The following ROBO2 variants were observed in gnomAD, a reference collection of about 807,000 sequenced individuals.
The protein encoded by ROBO2 is roundabout guidance receptor 2.
Under a neutral mutation model 160.8 loss-of-function variants are expected in ROBO2, and 53 were observed. The ratio of observed to expected loss-of-function variants is 0.33; its 90% CI spans 0.26 to 0.41. The LOEUF (loss-of-function observed/expected upper bound fraction) is 0.41, where lower values mean the gene tolerates loss of function less well. Ranked by LOEUF, ROBO2 falls within the 10% of genes least tolerant of loss-of-function variation. The pLI, the probability that ROBO2 is intolerant of heterozygous loss-of-function variation, is 1.00. For missense variants in ROBO2, 1,577 were observed against 1,722.4 expected, an observed-to-expected ratio of 0.92 and a Z score of 1.49; for synonymous variants, 664 against 611.7, an observed-to-expected ratio of 1.09 and a Z score of -1.26.
chr3:76,223,802 C>T (rs140464990), intron 2 of ROBO2, among the ~76,000 whole-genome samples: 3 of 152,188 alleles, frequency 2.0e-5, no homozygotes, highest in Non-Finnish European at 4.4e-5. Flanking sequence ...TAAGCTAATT[C>T]TTTGATCTCA....
chr3:76,229,244 C>G (rs1704476085), intron 2 of ROBO2, among the ~76,000 whole-genome samples: 1 of 151,986 alleles, frequency 6.6e-6, no homozygotes. Flanking sequence ...GTGTTGCAAA[C>G]CAGAATTTTT....
intron 2 of ROBO2, among the ~76,000 whole-genome samples, chr3:75,964,223 A>G (rs1949026007): frequency 6.6e-6 from 1 of 151,736 alleles, no homozygotes; most frequent in African/African-American, 2.4e-5. Context: ...ACAGTATGAT[A>G]ATTTTTTACA....
At chr3:75,957,185 T>G (rs1948748819) in intron 2 of ROBO2, among the ~76,000 whole-genome samples, 2 of 151,274 alleles carry the variant, frequency 1.3e-5, no homozygotes, top group Non-Finnish European at 3.0e-5. Context: ...CATATTGAAG[T>G]TGGAATTCCA....
At chr3:77,513,468 C>T (rs2089647135) in intron 5 of ROBO2, among the ~76,000 whole-genome samples, 1 of 151,736 alleles carries the variant, frequency 6.6e-6, no homozygotes, top group African/African-American at 2.4e-5. Context: ...GAAAAAATAA[C>T]ATAGATTCTT....
chr3:77,095,025 A>C (rs987646498), intron 1 of ROBO2, among the ~76,000 whole-genome samples: 1 of 152,146 alleles, frequency 6.6e-6, no homozygotes, highest in Non-Finnish European at 1.5e-5. Context: ...ATTTTATAAC[A>C]TCCAGTTTAT....
At chr3:77,098,066 C>A in exon 2 of ROBO2, 1 of 1,598,628 alleles carries the variant, frequency 6.3e-7, no homozygotes, top group Non-Finnish European at 8.6e-7. Flanking sequence ...AGCATCCTTC[C>A]GATGTCATCG....
chr3:77,368,148 T>C (rs1382991972), intron 2 of ROBO2, among the ~76,000 whole-genome samples: 1 of 152,276 alleles, frequency 6.6e-6, no homozygotes, highest in East Asian at 1.9e-4. Flanking sequence ...AAGGGCTTAA[T>C]TTATAATTCT....
chr3:77,396,108 C>T (rs900938446), intron 2 of ROBO2, among the ~76,000 whole-genome samples: 1 of 151,666 alleles, frequency 6.6e-6, no homozygotes, highest in Non-Finnish European at 1.5e-5. Flanking sequence ...TCACTTGCAT[C>T]CATCCATCCC....
chr3:76,800,929 T>C (rs2064149007), intron 2 of ROBO2, among the ~76,000 whole-genome samples: 1 of 152,200 alleles, frequency 6.6e-6, no homozygotes, highest in Admixed American at 6.5e-5. Context: ...AATCAGTATA[T>C]TGAAGAGATA....
intron 2 of ROBO2, among the ~76,000 whole-genome samples, chr3:76,548,167 A>G (rs143320095): frequency 3.5e-4 from 54 of 152,230 alleles, no homozygotes; most frequent in East Asian, 2.3e-3. Flanking sequence ...TGATTTTTCT[A>G]TCTCCCAAGA....
intron 2 of ROBO2, among the ~76,000 whole-genome samples, chr3:77,395,267 T>C (rs117641825): frequency 1.3e-5 from 2 of 152,214 alleles, no homozygotes; most frequent in East Asian, 3.9e-4. Flanking sequence ...ACCACAGCTG[T>C]TACTAGGATA....
chr3:76,863,815 GCAATAA>G (rs1484953319), intron 2 of ROBO2, among the ~76,000 whole-genome samples: 1 of 151,974 alleles, frequency 6.6e-6, no homozygotes, highest in African/African-American at 2.4e-5. Flanking sequence ...ACTGCCTCAA[GCAATAA>G]CAATGATAAA....
intron 1 of ROBO2, among the ~76,000 whole-genome samples, chr3:77,079,851 A>G (rs1310674228): frequency 6.6e-6 from 1 of 152,206 alleles, no homozygotes; most frequent in East Asian, 1.9e-4. Flanking sequence ...ATAAATTAGC[A>G]CATAGTTCTG....
intron 2 of ROBO2, among the ~76,000 whole-genome samples, chr3:76,824,248 T>C (rs2066379250): frequency 6.6e-6 from 1 of 152,158 alleles, no homozygotes; most frequent in African/African-American, 2.4e-5. Flanking sequence ...TGGCCATACA[T>C]AACTGCAGGG....
chr3:76,231,468 G>A (rs1704618234), intron 2 of ROBO2, among the ~76,000 whole-genome samples: 1 of 152,072 alleles, frequency 6.6e-6, no homozygotes, highest in Non-Finnish European at 1.5e-5. Flanking sequence ...TTCTACAAAA[G>A]CCAGTTTCAA....
At chr3:76,812,608 CT>C (rs2109012904) in intron 2 of ROBO2, among the ~76,000 whole-genome samples, 1 of 152,038 alleles carries the variant, frequency 6.6e-6, no homozygotes, top group South Asian at 2.1e-4. Context: ...ATTATGATGA[CT>C]TTTTAATCTT....
At position 75,927,587 on chromosome 3, in the gene ROBO2, C is replaced by T. The variant is rs189083650; in HGVS notation, c.-13-9894C>T. On this transcript the variant is annotated intron_variant, in intron 1 of 26. Coordinates refer to the ROBO2 transcript ENST00000487694. ...AGTCACAGGCAATCACAAGCTAACA[C>T]GAGCAGGTAGCACAAAATATATGTT... Among the ~76,000 whole-genome samples, 90 of 152,268 alleles carry T rather than the reference C, an allele frequency of 5.9e-4. 1 individual carries two copies. The highest frequency in any genetic ancestry group is 1.8e-3 in the African/African-American group (74 of 41,534).
At chr3:76,293,944 G>A (rs1014005510) in intron 2 of ROBO2, among the ~76,000 whole-genome samples, 1 of 152,100 alleles carries the variant, frequency 6.6e-6, no homozygotes, top group Non-Finnish European at 1.5e-5. Context: ...TGCTGAGGGG[G>A]TGCCTGCAGG....
intron 1 of ROBO2, among the ~76,000 whole-genome samples, chr3:77,066,556 T>C (rs1188829603): frequency 6.6e-6 from 1 of 152,114 alleles, no homozygotes; most frequent in African/African-American, 2.4e-5. Flanking sequence ...ATTTGGTATT[T>C]CCCAGAAATC....
Sources: gnomAD v4.1 joint callset for allele counts (sites outside exome capture counted in the v4.1 genomes callset) on GRCh38, gnomAD v4.1.1 for gene constraint, MANE v1.5 for transcripts, NCBI Gene and HGNC (gene_info 2026-07-23, HGNC 2026-07-21) for gene names.